CYP4V2: variants seen among roughly 807,000 people sequenced by gnomAD.
CYP4V2 encodes cytochrome P450 family 4 subfamily V member 2, also known as cytochrome P450 4V2.
A neutral mutation model predicts 60.8 loss-of-function variants in CYP4V2; 55 were observed. The observed-to-expected ratio is 0.90, with a 90% CI of 0.73 to 1.13. The LOEUF is 1.13. CYP4V2 is among the 50% of genes most tolerant of loss of function. The probability of loss-of-function intolerance (pLI) is 0.00; values close to 1 mark genes in which losing one functional copy is unlikely to be tolerated. For missense variants in CYP4V2, 675 were observed against 662.9 expected (o/e 1.02, Z -0.20); for synonymous variants, 239 against 236.8 (o/e 1.01, Z -0.08).
In CYP4V2 at chr4:186,191,842, G is replaced by T. The variant is rs1349421091; in HGVS notation, c.19G>T (p.Gly7Trp). 6.3e-7 allele frequency: 1 copy of T among 1,575,132 alleles called. No homozygotes were observed. Among genetic ancestry groups the T allele is most frequent in the Non-Finnish European group, 8.6e-7 (1 of 1,166,702 alleles). The change falls in exon 1 of 11, where the codon GGG (glycine) becomes TGG (tryptophan). Residue 7 changes from glycine to tryptophan, a missense_variant. By Grantham distance (184) the Gly-to-Trp change is radical. Coordinates refer to ENST00000378802, the MANE Select transcript of CYP4V2 (RefSeq NM_207352.4). ...CGGGGCGATGGCGGGGCTCTGGCTG[G>T]GGCTCGTGTGGCAGAAGCTGCTGCT... MAGLWL[G>W]LVWQKLLLWG...
In CYP4V2 at chr4:186,210,573, C is replaced by T. The variant is rs1736681802; in HGVS notation, c.1510C>T (p.Gln504Ter). The stretch of plus-strand genomic sequence containing the variant: ...AAGAGAAGAGCTTGGTCTAGAAGGA[C>T]AGTTGATTCTTCGTCCAAGTAATGG... The part of the protein sequence containing the change: ...QKREELGLEG[Q>*]LILRPSNGIW... The change falls in exon 11 of 11, where the codon CAG becomes TAG. Residue 504 changes from glutamine to a stop codon, truncating the protein, a stop_gained. Transcript: ENST00000378802. LOFTEE classifies it high-confidence loss of function. 1 of 1,614,030 alleles carries T rather than the reference C, an allele frequency of 6.2e-7. No homozygotes were observed. Among genetic ancestry groups the T allele is most frequent in the Admixed American group, 1.7e-5 (1 of 60,004 alleles).
At position 186,196,096 on chromosome 4, in the gene CYP4V2, A is replaced by G; in HGVS notation, c.413+8A>G. The G allele has an allele frequency of 6.2e-7, 1 of 1,605,794 alleles. No homozygotes were observed. The highest frequency in any genetic ancestry group is 1.1e-5 in the South Asian group (1 of 90,918). On this transcript the variant is annotated splice_region_variant and intron_variant, in intron 3 of 10. Coordinates refer to ENST00000378802, the MANE Select transcript of CYP4V2 (RefSeq NM_207352.4). The stretch of plus-strand genomic sequence containing the variant: ...CCTAGGACTTCTTACAAGGTATGCC[A>G]GTGTACCTTTGTAAAGCTGTCTATA...
rs910474320 is a variant in CYP4V2 at position 186,196,275 on chromosome 4, C to T, written c.413+187C>T. 5 of 640,346 alleles carry T rather than the reference C, an allele frequency of 7.8e-6. No homozygotes were observed. The African/African-American group carries it at 9.1e-5, about 12-fold the overall frequency. 39.7% of individuals were successfully genotyped at this position (640,346 alleles called of 1,614,324 possible). On this transcript the variant is annotated intron_variant, in intron 3 of 10. Coordinates refer to ENST00000378802, the MANE Select transcript of CYP4V2 (RefSeq NM_207352.4). ...TTTGCCCGTCAAGAGGCCAAGAGTC[C>T]AGGTGAACAGTTATCTTCAGCTGTG... is the stretch of plus-strand genomic sequence containing the variant.
intron 1 of CYP4V2, among the ~76,000 whole-genome samples, chr4:186,193,280 C>T (rs971659946): frequency 6.6e-6 from 1 of 152,198 alleles, no homozygotes; most frequent in Non-Finnish European, 1.5e-5. Flanking sequence ...ACTGAAGTCT[C>T]ATCATACTGT....
chr4:186,206,217 G>A (rs1408599536), intron 8 of CYP4V2, among the ~76,000 whole-genome samples: 3 of 152,180 alleles, frequency 2.0e-5, no homozygotes, highest in African/African-American at 7.2e-5. Context: ...TGTGTGGTGT[G>A]TGTGTGTGTG....
At chr4:186,204,868 C>T (rs1228556925) in intron 7 of CYP4V2, 5 of 389,460 alleles carry the variant, frequency 1.3e-5, no homozygotes, top group African/African-American at 8.3e-5. Context: ...CCCTGACAAG[C>T]AGGCTCGTGA....
At chr4:186,198,277 T>G (rs1440596966) in intron 5 of CYP4V2, among the ~76,000 whole-genome samples, 2 of 152,160 alleles carry the variant, frequency 1.3e-5, no homozygotes, top group African/African-American at 4.8e-5. Context: ...TTTGTAGTAG[T>G]ACACAAAACA....
intron 5 of CYP4V2, among the ~76,000 whole-genome samples, chr4:186,198,648 G>A (rs1736223195): frequency 6.6e-6 from 1 of 152,184 alleles, no homozygotes; most frequent in Non-Finnish European, 1.5e-5. Flanking sequence ...AAACCCTGGT[G>A]CAGAGGTCCT....
chr4:186,197,570 T>A lies in CYP4V2; in HGVS notation c.642T>A (p.Asn214Lys), dbSNP rs200664958. 2.5e-6 allele frequency: 4 copies of A among 1,614,136 alleles called. No individual in the cohort carries two copies. Among genetic ancestry groups the A allele is most frequent in the Non-Finnish European group, 3.4e-6 (4 of 1,180,050 alleles). Residue 214 changes from asparagine (N) to lysine (K), a missense_variant, in exon 5 of 11, where the codon AAT becomes AAA. Asn to Lys is a moderately conservative substitution (Grantham distance 94, BLOSUM62 0). Coordinates refer to ENST00000378802, the MANE Select transcript of CYP4V2 (RefSeq NM_207352.4). ...GGAAGAATATTGGTGCTCAAAGTAATGATGATTCCGAGTATGTCCGTGCAG... is the reference window on the plus strand; with the variant it reads ...GGAAGAATATTGGTGCTCAAAGTAAAGATGATTCCGAGTATGTCCGTGCAG... ...AMGKNIGAQS[N>K]DDSEYVRAVY...
At chr4:186,205,764 A>G (rs1170387122) in intron 8 of CYP4V2, among the ~76,000 whole-genome samples, 2 of 152,186 alleles carry the variant, frequency 1.3e-5, no homozygotes, top group East Asian at 1.9e-4. Flanking sequence ...CCCGGAGGAA[A>G]AGTCCTGCCA....
intron 10 of CYP4V2, among the ~76,000 whole-genome samples, chr4:186,210,179 C>G (rs1561439018): frequency 6.6e-6 from 1 of 152,130 alleles, no homozygotes; most frequent in South Asian, 2.1e-4. Flanking sequence ...ATGAAAGACC[C>G]ACTAAGACAT....
intron 7 of CYP4V2, chr4:186,203,224 C>T (rs1215621157): frequency 6.6e-6 from 1 of 152,200 alleles, no homozygotes; most frequent in African/African-American, 2.4e-5. Context: ...CCATCTCCTA[C>T]CAGGAACCTC....
At chr4:186,207,177 G>A (rs72646289) in intron 8 of CYP4V2, among the ~76,000 whole-genome samples, 2,133 of 152,080 alleles carry the variant, frequency 0.014, 47 homozygotes, top group African/African-American at 0.049. Context: ...GGGAGGCCGA[G>A]GTGGGCGGAT....
intron 8 of CYP4V2, among the ~76,000 whole-genome samples, chr4:186,206,908 T>C (rs1736524304): frequency 6.6e-6 from 1 of 152,236 alleles, no homozygotes; most frequent in Non-Finnish European, 1.5e-5. Flanking sequence ...AATTTGGTCT[T>C]CCAAAAGCTC....
intron 7 of CYP4V2, chr4:186,202,958 C>A (rs1736365591): frequency 6.6e-6 from 1 of 151,786 alleles, no homozygotes; most frequent in Non-Finnish European, 1.5e-5. Context: ...ACACACCACC[C>A]CCCACAGAGG....
intron 8 of CYP4V2, among the ~76,000 whole-genome samples, chr4:186,206,227 G>A (rs1736498142): frequency 6.6e-6 from 1 of 152,130 alleles, no homozygotes; most frequent in African/African-American, 2.4e-5. Flanking sequence ...GTGTGTGTGT[G>A]CATGTGTGTG....
chr4:186,210,814 G>T lies in CYP4V2; in HGVS notation c.*173G>T. 10 of 779,858 alleles carry T rather than the reference G, an allele frequency of 1.3e-5. No homozygotes were observed. The highest frequency in any genetic ancestry group is 8.9e-5 in the Admixed American group (3 of 33,634). 48.3% of individuals were successfully genotyped at this position (779,858 alleles called of 1,614,324 possible). Reference sequence around the variant, plus strand: ...TAACAAAGAAAAAGTTTTGAGTTTTGTATTTTCTTTTTTCTTTTTTCTTTA... The same window carrying T: ...TAACAAAGAAAAAGTTTTGAGTTTTTTATTTTCTTTTTTCTTTTTTCTTTA... On this transcript the variant is annotated 3_prime_UTR_variant, in exon 11 of 11. Transcript: ENST00000378802.
chr4:186,210,359 C>T (rs769416247), intron 10 of CYP4V2, 110 bp from the exon 11 acceptor site: 16 of 1,399,834 alleles, frequency 1.1e-5, no homozygotes, highest in Non-Finnish European at 1.6e-5. Flanking sequence ...GGTTCTCCTT[C>T]CACCTACTGC....
chr4:186,210,502 T>C lies in CYP4V2; in HGVS notation c.1439T>C (p.Ile480Thr), dbSNP rs754826395. The change falls in exon 11 of 11, where the codon ATT becomes ACT. Residue 480 changes from isoleucine (I) to threonine (T), a missense_variant. Ile to Thr is a moderately conservative substitution (Grantham distance 89, BLOSUM62 -1). Transcript: ENST00000378802. ...QKFAVMEEKT[I>T]LSCILRHFWI... ...TTTGCTGTGATGGAAGAAAAGACCA[T>C]TCTTTCGTGCATCCTGAGGCACTTT... The C allele has an allele frequency of 6.2e-7, 1 of 1,614,212 alleles. No individual in the cohort carries two copies. The highest frequency in any genetic ancestry group is 1.1e-5 in the South Asian group (1 of 91,090).
Sources: gnomAD v4.1 joint callset for allele counts (sites outside exome capture counted in the v4.1 genomes callset) on GRCh38, gnomAD v4.1.1 for gene constraint, MANE v1.5 for transcripts, NCBI Gene and HGNC (gene_info 2026-07-23, HGNC 2026-07-21) for gene names.